ATP8B1: variants seen among roughly 807,000 people sequenced by gnomAD.
ATP8B1 encodes ATPase phospholipid transporting 8B1, also known as phospholipid-transporting ATPase IC.
Under a neutral mutation model 149.9 loss-of-function variants are expected in ATP8B1, and 80 were observed. The ratio of observed to expected loss-of-function variants is 0.53; its 90% CI spans 0.45 to 0.64. The LOEUF (loss-of-function observed/expected upper bound fraction) is 0.64. Among genes scored for constraint, ATP8B1 ranks in the 30% least tolerant of loss-of-function variants. ATP8B1 has a pLI of 0.00. For synonymous variants in ATP8B1, 536 were observed against 562.8 expected (o/e 0.95, Z 0.67); for missense variants, 1,247 against 1,552.6 (o/e 0.80, Z 3.31).
At chr18:57,688,822 G>A (rs115841896) in intron 12 of ATP8B1, among the ~76,000 whole-genome samples, 2 of 152,158 alleles carry the variant, frequency 1.3e-5, no homozygotes, top group African/African-American at 4.8e-5. Context: ...CACCGGCTGT[G>A]CCTATAAAGC....
intron 1 of ATP8B1, among the ~76,000 whole-genome samples, chr18:57,753,506 C>T (rs1461567352): frequency 6.6e-6 from 1 of 152,244 alleles, no homozygotes; most frequent in East Asian, 1.9e-4. Context: ...CTGTGTAAAG[C>T]ACATGTGTAC....
At chr18:57,687,773 ATTTTTTTTTTTTT>A (rs11342488) in intron 13 of ATP8B1, among the ~76,000 whole-genome samples, 3 of 95,244 alleles carry the variant, frequency 3.1e-5, no homozygotes, top group South Asian at 4.1e-4. Flanking sequence ...GAGACTTCTA[ATTTTTTTTTTTTT>A]TTTTTTTTTT....
Position 57,695,442 on chromosome 18 carries a change from G to C in ATP8B1, c.781+8C>G. The C allele has an allele frequency of 6.2e-7, 1 of 1,609,170 alleles. No individual in the cohort carries two copies. The highest frequency in any genetic ancestry group is 8.5e-7 in the Non-Finnish European group (1 of 1,175,562). ...TTTAAAGCAAAGTAAGACATGTTTG[G>C]TACAAACCATCAAATGTAGCCAATG... On this transcript the variant is annotated splice_region_variant and intron_variant, in intron 9 of 27. Coordinates refer to ENST00000648908, the MANE Select transcript of ATP8B1 (RefSeq NM_001374385.1).
chr18:57,728,105 T>C (rs2079726571), intron 2 of ATP8B1, among the ~76,000 whole-genome samples: 1 of 152,124 alleles, frequency 6.6e-6, no homozygotes, highest in Non-Finnish European at 1.5e-5. Context: ...AAAGCACTTG[T>C]TTAACAGGAA....
At chr18:57,659,114 A>G (rs767027498) in intron 22 of ATP8B1, among the ~76,000 whole-genome samples, 5 of 152,018 alleles carry the variant, frequency 3.3e-5, no homozygotes, top group African/African-American at 4.8e-5. Context: ...CAACTCTACA[A>G]AAAATACAAA....
rs1399904888 is a variant in ATP8B1 at position 57,802,136 on chromosome 18, G to C, written c.-26+862C>G. 1 of 150,096 alleles carries C rather than the reference G, an allele frequency of 6.7e-6. No individual in the cohort carries two copies. Among genetic ancestry groups the C allele is most frequent in the Non-Finnish European group, 1.5e-5 (1 of 68,000 alleles). 9.3% of individuals were successfully genotyped at this position (150,096 alleles called of 1,614,324 possible). A position where few individuals can be genotyped will look rare whatever the true frequency, so the allele number is the denominator to read the frequency against. On this transcript the variant is annotated intron_variant, in intron 1 of 27. Transcript: ENST00000648908. The surrounding 1 kb of genome is among the most constrained non-coding windows in gnomAD (Gnocchi z 4.9). ...TCGGAAAAGTTGGGCAGACACTTCA[G>C]AACTTTTCTTTCACTTTGGGGAGAA...
At chr18:57,778,546 A>G (rs2080331059) in intron 1 of ATP8B1, among the ~76,000 whole-genome samples, 1 of 152,084 alleles carries the variant, frequency 6.6e-6, no homozygotes. Flanking sequence ...CTCAGTTTCA[A>G]TGGATCAAGA....
At chr18:57,761,197 T>A (rs1403349097) in intron 1 of ATP8B1, among the ~76,000 whole-genome samples, 3 of 152,068 alleles carry the variant, frequency 2.0e-5, no homozygotes, top group Non-Finnish European at 2.9e-5. Flanking sequence ...CACCTTGGCC[T>A]CCCAAAGTGC....
At chr18:57,762,548 G>C (rs534304027) in intron 1 of ATP8B1, among the ~76,000 whole-genome samples, 1 of 152,170 alleles carries the variant, frequency 6.6e-6, no homozygotes, top group Non-Finnish European at 1.5e-5. Context: ...GACACACATG[G>C]TACCTAGTTG....
At chr18:57,722,423 C>G (rs1460137263) in intron 2 of ATP8B1, among the ~76,000 whole-genome samples, 9 of 138,996 alleles carry the variant, frequency 6.5e-5, no homozygotes, top group Middle Eastern at 7.2e-3. Flanking sequence ...GATATCACCA[C>G]CGATCCCACA....
At chr18:57,718,693 C>T (rs998683339) in intron 2 of ATP8B1, among the ~76,000 whole-genome samples, 5 of 152,012 alleles carry the variant, frequency 3.3e-5, no homozygotes, top group Non-Finnish European at 7.4e-5. Flanking sequence ...GGGATTTATC[C>T]CAGAAATGCA....
rs71807937 is a variant in ATP8B1 at position 57,798,412 on chromosome 18, C to CAAA, written c.-26+4583_-26+4585dup. Among the ~76,000 whole-genome samples, 221 of 135,068 alleles carry CAAA rather than the reference C, an allele frequency of 1.6e-3. 1 individual carries two copies. The highest frequency in any genetic ancestry group is 8.7e-3 in the East Asian group (41 of 4,726). 88.6% of individuals were successfully genotyped at this position (135,068 alleles called of 152,430 possible). On this transcript the variant is annotated intron_variant, in intron 1 of 27. Transcript: ENST00000648908. ...GCAACATAGTGAGACCCTGTCTCTA[C>CAAA]AAAAAAAAAAATAGAAAAAAGAAAA...
At chr18:57,739,105 C>T (rs1354127037) in intron 1 of ATP8B1, among the ~76,000 whole-genome samples, 1 of 152,158 alleles carries the variant, frequency 6.6e-6, no homozygotes, top group Non-Finnish European at 1.5e-5. Context: ...AAGCGATTCT[C>T]CTGCCTCAGC....
At chr18:57,697,244 C>T (rs1312790515) in intron 8 of ATP8B1, among the ~76,000 whole-genome samples, 1 of 152,096 alleles carries the variant, frequency 6.6e-6, no homozygotes, top group African/African-American at 2.4e-5. Flanking sequence ...GCCTGGGCGA[C>T]AGAGTGAGAC....
chr18:57,663,402 A>G (rs571026015), intron 20 of ATP8B1, among the ~76,000 whole-genome samples: 1 of 152,320 alleles, frequency 6.6e-6, no homozygotes, highest in African/African-American at 2.4e-5. Flanking sequence ...ATGGGTGTGC[A>G]TGTATCTCTT....
intron 1 of ATP8B1, among the ~76,000 whole-genome samples, chr18:57,736,675 G>A (rs938184213): frequency 6.8e-6 from 1 of 146,946 alleles, no homozygotes; most frequent in African/African-American, 2.5e-5. Context: ...TGTCCAAACT[G>A]GTCTTGAATT....
At chr18:57,662,720 T>C in intron 20 of ATP8B1, 105 bp from the exon 21 acceptor site, 1 of 1,240,672 alleles carries the variant, frequency 8.1e-7, no homozygotes. Flanking sequence ...AAACAAAGTT[T>C]ACCATCTTAC....
chr18:57,689,792 C>T (rs1452908569), intron 12 of ATP8B1, among the ~76,000 whole-genome samples: 2 of 152,064 alleles, frequency 1.3e-5, no homozygotes, highest in African/African-American at 2.4e-5. Flanking sequence ...CCGAGGTGGG[C>T]GGATCATGAG....
chr18:57,701,031 C>T lies in ATP8B1; in HGVS notation c.554+8G>A. The T allele has an allele frequency of 6.2e-7, 1 of 1,611,856 alleles. No individual in the cohort carries two copies. The highest frequency in any genetic ancestry group is 8.5e-7 in the Non-Finnish European group (1 of 1,177,946). On this transcript the variant is annotated splice_region_variant and intron_variant, in intron 6 of 27. Coordinates refer to ENST00000648908, the MANE Select transcript of ATP8B1 (RefSeq NM_001374385.1). ...CCTTGAAACTCAGTTACTAATTAGACACAGTACCTGCCATCCTTAATGACT... is the reference window on the plus strand; with the variant it reads ...CCTTGAAACTCAGTTACTAATTAGATACAGTACCTGCCATCCTTAATGACT...
Sources: allele counts gnomAD v4.1 joint callset (sites outside exome capture counted in the v4.1 genomes callset), GRCh38; gene constraint gnomAD v4.1.1; non-coding constraint Gnocchi (gnomAD v3.1); transcripts MANE v1.5; gene names NCBI Gene and HGNC (gene_info 2026-07-23, HGNC 2026-07-21).